The following TRPM3 variants were observed in gnomAD, a reference collection of about 807,000 sequenced individuals.
TRPM3 encodes long transient receptor potential channel 3.
A neutral mutation model predicts 181.2 loss-of-function variants in TRPM3; 77 were observed. The ratio of observed to expected loss-of-function variants is 0.42; its 90% CI spans 0.35 to 0.51. The LOEUF is 0.51. Among genes scored for constraint, TRPM3 ranks in the 20% least tolerant of loss-of-function variants. The pLI, the probability that TRPM3 is intolerant of heterozygous loss-of-function variation, is 0.01. For synonymous variants in TRPM3, 745 were observed against 796.4 expected (o/e 0.94, Z 1.09); for missense variants, 1,759 against 2,196.7 (o/e 0.80, Z 3.98).
At chr9:71,281,432 G>A (rs1444419609) in intron 1 of TRPM3, among the ~76,000 whole-genome samples, 3 of 152,104 alleles carry the variant, frequency 2.0e-5, no homozygotes, top group Non-Finnish European at 4.4e-5. Flanking sequence ...CACATATTTT[G>A]TTTGCTTTCT....
At chr9:70,958,349 T>G (rs2097101104) in intron 1 of TRPM3, among the ~76,000 whole-genome samples, 1 of 152,178 alleles carries the variant, frequency 6.6e-6, no homozygotes, top group South Asian at 2.1e-4. Context: ...ATTTTTAAAG[T>G]ACAAATGGCT....
intron 1 of TRPM3, among the ~76,000 whole-genome samples, chr9:71,146,023 C>T (rs905232933): frequency 1.3e-5 from 2 of 152,092 alleles, no homozygotes; most frequent in East Asian, 1.9e-4. Context: ...CTGTTAGGTA[C>T]ATATTTGTTC....
chr9:71,357,246 A>G (rs574153016), intron 1 of TRPM3, among the ~76,000 whole-genome samples: 1 of 152,316 alleles, frequency 6.6e-6, no homozygotes, highest in African/African-American at 2.4e-5. Context: ...TACTTGCTAC[A>G]TGGTGTTATT....
At chr9:71,420,735 GAA>G (rs1565557104) in intron 1 of TRPM3, among the ~76,000 whole-genome samples, 22 of 56,550 alleles carry the variant, frequency 3.9e-4, no homozygotes, top group Non-Finnish European at 5.9e-4. Context: ...GAGAGAGAGA[GAA>G]AGAGAGAGAA....
At position 71,009,731 on chromosome 9, in the gene TRPM3, A is replaced by T. The variant is rs539128671; in HGVS notation, c.177+111447T>A. ...CATTCTTCACAGAAATAGAAAAAAA[A>T]TAAATTCATATGGAAATATAAAAGA... is the stretch of plus-strand genomic sequence containing the variant. On this transcript the variant is annotated intron_variant, in intron 1 of 25. Transcript: ENST00000677713. Among the ~76,000 whole-genome samples, 30 of 152,248 alleles carry T rather than the reference A, an allele frequency of 2.0e-4. 1 individual carries two copies. The highest frequency in any genetic ancestry group is 7.0e-4 in the African/African-American group (29 of 41,564).
At chr9:71,012,277 G>A (rs1311506547) in intron 1 of TRPM3, among the ~76,000 whole-genome samples, 1 of 152,054 alleles carries the variant, frequency 6.6e-6, no homozygotes, top group Non-Finnish European at 1.5e-5. Flanking sequence ...AATGATTAGA[G>A]ATACCACTTT....
chr9:71,171,867 T>C (rs757576594), intron 1 of TRPM3, among the ~76,000 whole-genome samples: 3 of 150,328 alleles, frequency 2.0e-5, no homozygotes, highest in Non-Finnish European at 4.4e-5. Flanking sequence ...TTTTTATTAT[T>C]ATTTATTTTG....
At chr9:70,892,627 A>AC (rs2096225276) in intron 1 of TRPM3, among the ~76,000 whole-genome samples, 1 of 151,054 alleles carries the variant, frequency 6.6e-6, no homozygotes, top group Admixed American at 6.6e-5. Context: ...AAAAAAAAAA[A>AC]CTAGCCAATC....
intron 1 of TRPM3, among the ~76,000 whole-genome samples, chr9:71,059,230 G>A (rs187220187): frequency 2.0e-5 from 3 of 151,436 alleles, no homozygotes; most frequent in South Asian, 2.1e-4. Context: ...CTACAATCTC[G>A]GGATTTCCCT....
intron 19 of TRPM3, among the ~76,000 whole-genome samples, chr9:70,604,810 C>CTAAGT (rs1554774852): frequency 6.6e-6 from 1 of 151,942 alleles, no homozygotes; most frequent in Non-Finnish European, 1.5e-5. Context: ...CCACACCCAG[C>CTAAGT]TAAGTTTTTG....
Position 70,536,987 on chromosome 9 carries a change from G to A in TRPM3, c.4126C>T (p.Leu1376=). Residue 1376 remains leucine, a synonymous_variant, in exon 26 of 26, where the codon CTA becomes TTA. Coordinates refer to ENST00000677713, the MANE Select transcript of TRPM3 (RefSeq NM_001366145.2). The stretch of plus-strand genomic sequence containing the variant: ...GAGTGGGAACTAGTAGCCCGGTGTA[G>A]GCTCAGGGACCTTTCTTTAAAAATA... ...ESIFKERSLS[L]HRATSSHSVA... 6.2e-7 allele frequency: 1 copy of A among 1,612,590 alleles called. No individual in the cohort carries two copies. Among genetic ancestry groups the A allele is most frequent in the East Asian group, 2.2e-5 (1 of 44,818 alleles).
intron 12 of TRPM3, among the ~76,000 whole-genome samples, chr9:70,632,990 T>C (rs1320299685): frequency 6.6e-6 from 1 of 152,222 alleles, no homozygotes; most frequent in Non-Finnish European, 1.5e-5. Flanking sequence ...TTTAATAATT[T>C]ATACTCAGTG....
chr9:70,782,235 C>T (rs139327100), intron 7 of TRPM3, among the ~76,000 whole-genome samples: 303 of 148,790 alleles, frequency 2.0e-3, no homozygotes, highest in African/African-American at 7.1e-3. Context: ...GACAGAGTTT[C>T]GCTCTTGTTG....
chr9:70,576,280 C>T (rs1208890223), intron 22 of TRPM3, among the ~76,000 whole-genome samples: 1 of 152,194 alleles, frequency 6.6e-6, no homozygotes, highest in Non-Finnish European at 1.5e-5. Flanking sequence ...ATTCTGGAAA[C>T]CACTGGTCTT....
intron 6 of TRPM3, chr9:70,824,767 T>C (rs961400385): frequency 2.0e-5 from 3 of 152,228 alleles, no homozygotes; most frequent in African/African-American, 7.2e-5. Context: ...AAAGTGTCCA[T>C]GTTAGAAAGT....
At chr9:70,927,401 G>A (rs895055878) in intron 1 of TRPM3, among the ~76,000 whole-genome samples, 1 of 151,974 alleles carries the variant, frequency 6.6e-6, no homozygotes, top group Admixed American at 6.6e-5. Flanking sequence ...GACAGCTATG[G>A]GTAAAATTTC....
chr9:71,299,516 G>A (rs1470718345), intron 1 of TRPM3, among the ~76,000 whole-genome samples: 1 of 148,792 alleles, frequency 6.7e-6, no homozygotes, highest in African/African-American at 2.4e-5. Context: ...AGGAAGGGAG[G>A]AAGGAAGGGA....
intron 1 of TRPM3, among the ~76,000 whole-genome samples, chr9:71,215,003 G>T: frequency 7.5e-6 from 1 of 133,336 alleles, no homozygotes; most frequent in African/African-American, 2.8e-5. Context: ...CTTCACTGAG[G>T]ATATCTGTTC....
At chr9:70,816,709 G>A (rs1316594715) in intron 6 of TRPM3, among the ~76,000 whole-genome samples, 4 of 152,198 alleles carry the variant, frequency 2.6e-5, no homozygotes, top group Non-Finnish European at 4.4e-5. Context: ...ACGAAATGAT[G>A]TGTAACAAAA....
Sources: gnomAD v4.1 joint callset for allele counts (sites outside exome capture counted in the v4.1 genomes callset) on GRCh38, gnomAD v4.1.1 for gene constraint, MANE v1.5 for transcripts, NCBI Gene and HGNC (gene_info 2026-07-23, HGNC 2026-07-21) for gene names.